FGF14: variants seen among roughly 807,000 people sequenced by gnomAD.
FGF14 encodes fibroblast growth factor 14.
In FGF14, 5 loss-of-function variants were observed where a neutral mutation model predicts 25.5. The observed-to-expected ratio is 0.20, with a 90% CI of 0.10 to 0.41. The LOEUF is 0.41. FGF14 is among the 10% of genes least tolerant of loss of function. The probability of loss-of-function intolerance (pLI) is 1.00; values close to 1 mark genes in which losing one functional copy is unlikely to be tolerated. For synonymous variants in FGF14, 138 were observed against 118.3 expected (o/e 1.17, Z -1.08); for missense variants, 222 against 320.1 (o/e 0.69, Z 2.34).
intron 1 of FGF14, among the ~76,000 whole-genome samples, chr13:102,264,599 A>G (rs1255518115): frequency 2.6e-5 from 4 of 151,776 alleles, no homozygotes; most frequent in Non-Finnish European, 4.4e-5. Context: ...GGGATTTTAT[A>G]AAGGAATTAT....
At chr13:102,348,974 A>C (rs1408918294) in intron 1 of FGF14, among the ~76,000 whole-genome samples, 1 of 152,102 alleles carries the variant, frequency 6.6e-6, no homozygotes, top group Non-Finnish European at 1.5e-5. Context: ...TTTTATCTAG[A>C]CCACTGGTTC....
intron 1 of FGF14, among the ~76,000 whole-genome samples, chr13:101,937,950 A>G (rs1380574330): frequency 1.3e-5 from 2 of 152,190 alleles, no homozygotes; most frequent in Admixed American, 6.5e-5. Context: ...TGACAGTCCT[A>G]GAAAACTAAT....
chr13:102,309,135 T>TACAAAC, intron 1 of FGF14, among the ~76,000 whole-genome samples: 1 of 142,566 alleles, frequency 7.0e-6, no homozygotes, highest in South Asian at 2.3e-4. Context: ...ATGCATAACA[T>TACAAAC]ACACACACAC....
At chr13:102,234,994 T>C (rs1191491194) in intron 1 of FGF14, among the ~76,000 whole-genome samples, 1 of 152,184 alleles carries the variant, frequency 6.6e-6, no homozygotes, top group Admixed American at 6.5e-5. Flanking sequence ...GGTTTCCACA[T>C]AGAATACAGT....
intron 1 of FGF14, among the ~76,000 whole-genome samples, chr13:102,369,345 G>T (rs1392021981): frequency 6.6e-6 from 1 of 152,208 alleles, no homozygotes; most frequent in African/African-American, 2.4e-5. Flanking sequence ...AAATTGCCCA[G>T]ATCCATTCTG....
At chr13:101,726,503 A>G in intron 4 of FGF14, 109 bp downstream of exon 4, 1 of 1,048,638 alleles carries the variant, frequency 9.5e-7, no homozygotes, top group Non-Finnish European at 1.4e-6. Context: ...AAAATAAATG[A>G]CATTTCCAGC....
intron 1 of FGF14, among the ~76,000 whole-genome samples, chr13:102,175,721 A>G (rs559281204): frequency 2.6e-5 from 4 of 152,256 alleles, no homozygotes; most frequent in South Asian, 2.1e-4. Context: ...GATAAAAGAG[A>G]AAAAAGCCCA....
In FGF14 at chr13:102,111,268, T is replaced by A. The variant is rs114150537; in HGVS notation, c.209-235972A>T. Among the ~76,000 whole-genome samples, 149 of 152,262 alleles carry A rather than the reference T, an allele frequency of 9.8e-4. 1 individual carries two copies. Among genetic ancestry groups the A allele is most frequent in the African/African-American group, 3.5e-3 (145 of 41,554 alleles). On this transcript the variant is annotated intron_variant, in intron 1 of 4. Transcript: ENST00000376131. The stretch of plus-strand genomic sequence containing the variant: ...TCCCTTTCTACCTCTTCTACTAGAG[T>A]TAAGCTCACCAAAGCAAGAACTCTT...
intron 1 of FGF14, among the ~76,000 whole-genome samples, chr13:102,248,997 A>T (rs9514002): frequency 0.047 from 7,179 of 152,230 alleles, 294 homozygotes; most frequent in East Asian, 0.16. Flanking sequence ...TGCAGGAAGT[A>T]ATGTCCTGGG....
Position 102,310,443 on chromosome 13 carries a change from A to G in FGF14, c.208+91028T>C, listed in dbSNP as rs372828236. ...GGAGCACAAGGAATGAATGGAACTA[A>G]TAAGTATTAAAGGAGAAGAGAACTT... On this transcript the variant is annotated intron_variant, in intron 1 of 4. Coordinates refer to the FGF14 transcript ENST00000376131. 1.7e-3 allele frequency among the ~76,000 whole-genome samples: 254 copies of G among 152,264 alleles called. 2 individuals carry two copies. The highest frequency in any genetic ancestry group is 5.6e-3 in the African/African-American group (232 of 41,554).
chr13:102,232,773 G>T (rs894881142), intron 1 of FGF14, among the ~76,000 whole-genome samples: 1 of 152,146 alleles, frequency 6.6e-6, no homozygotes, highest in African/African-American at 2.4e-5. Flanking sequence ...TAAACACCCT[G>T]TAACACATGC....
intron 1 of FGF14, among the ~76,000 whole-genome samples, chr13:101,932,713 C>T (rs1042690761): frequency 2.0e-5 from 3 of 149,260 alleles, no homozygotes; most frequent in Admixed American, 1.3e-4. Flanking sequence ...GTCGGTTGCC[C>T]CTACACACTT....
At chr13:102,158,021 G>A (rs28868913) in intron 1 of FGF14, among the ~76,000 whole-genome samples, 29,562 of 152,072 alleles carry the variant, frequency 0.19, 3,100 homozygotes, top group Admixed American at 0.25. Context: ...TCAGGAAAAA[G>A]CAGGTGCTGG....
chr13:102,029,789 G>A (rs2041119421), intron 1 of FGF14, among the ~76,000 whole-genome samples: 2 of 152,174 alleles, frequency 1.3e-5, no homozygotes, highest in South Asian at 4.1e-4. Context: ...GTTTTCTTTG[G>A]GAGACCAGAA....
intron 1 of FGF14, among the ~76,000 whole-genome samples, chr13:102,230,942 C>T (rs181908148): frequency 3.9e-4 from 59 of 152,190 alleles, no homozygotes; most frequent in East Asian, 2.7e-3. Flanking sequence ...GGTAAAGAAA[C>T]GATTTAAAGA....
chr13:102,360,469 T>G (rs979458540), intron 1 of FGF14, among the ~76,000 whole-genome samples: 17 of 152,064 alleles, frequency 1.1e-4, no homozygotes, highest in African/African-American at 3.6e-4. Flanking sequence ...TAAAAAGAAA[T>G]GACAGAGCTT....
intron 3 of FGF14, among the ~76,000 whole-genome samples, chr13:101,850,846 C>A (rs1266855565): frequency 1.3e-5 from 2 of 151,338 alleles, no homozygotes; most frequent in Non-Finnish European, 2.9e-5. Context: ...ATTTTACTTG[C>A]AACTTTCTAA....
rs138865702 is a variant in FGF14, at chr13:101,801,337, A to G, written c.408+67388T>C. ...TTACTGCATATTCAGTATATGCTCA[A>G]TGCAGATGTTGACAATTTTTTTTTT... On this transcript the variant is annotated intron_variant, in intron 3 of 4. Coordinates refer to ENST00000376143, the MANE Select transcript of FGF14 (RefSeq NM_004115.4). 1.7e-3 allele frequency among the ~76,000 whole-genome samples: 252 copies of G among 152,112 alleles called. 2 individuals carry two copies. Among genetic ancestry groups the G allele is most frequent in the African/African-American group, 5.8e-3 (240 of 41,380 alleles).
intron 1 of FGF14, among the ~76,000 whole-genome samples, chr13:102,205,984 T>TAAAAAAAAAAAAA (rs36108366): frequency 1.3e-4 from 6 of 47,462 alleles, no homozygotes; most frequent in Admixed American, 3.4e-4. Context: ...CTCCCTGTGG[T>TAAAAAAAAAAAAA]AAAAAAAAAA....
Sources: allele counts gnomAD v4.1 joint callset (sites outside exome capture counted in the v4.1 genomes callset), GRCh38; gene constraint gnomAD v4.1.1; transcripts MANE v1.5; gene names NCBI Gene and HGNC (gene_info 2026-07-23, HGNC 2026-07-21).